The following ACSF2 variants were observed in gnomAD, a reference collection of about 807,000 sequenced individuals.
ACSF2 encodes the protein medium-chain acyl-CoA ligase ACSF2, mitochondrial.
ACSF2 carries 52 observed loss-of-function variants against 79.3 expected under a neutral mutation model. The observed-to-expected ratio is 0.66, with a 90% CI of 0.53 to 0.83. ACSF2 has a LOEUF of 0.83. Among genes scored for constraint, ACSF2 ranks in the 40% least tolerant of loss-of-function variants. The pLI, the probability that ACSF2 is intolerant of heterozygous loss-of-function variation, is 0.00. For synonymous variants in ACSF2, 283 were observed against 312.6 expected (o/e 0.91, Z 1.00); for missense variants, 661 against 803.3 (o/e 0.82, Z 2.14).
intron 10 of ACSF2, chr17:50,465,292 A>C: frequency 6.2e-7 from 1 of 1,613,800 alleles, no homozygotes; most frequent in South Asian, 1.1e-5. Flanking sequence ...CCTGGCCCCC[A>C]CCTGTTTAAT....
At chr17:50,461,027 A>T (rs2032298491) in intron 2 of ACSF2, 155 bp downstream of exon 2, 1 of 1,130,704 alleles carries the variant, frequency 8.8e-7, no homozygotes, top group Non-Finnish European at 1.2e-6. Context: ...GACAGGACTG[A>T]CGCACAAGGG....
intron 1 of ACSF2, among the ~76,000 whole-genome samples, chr17:50,457,804 C>T (rs545954061): frequency 8.5e-4 from 129 of 152,260 alleles, no homozygotes; most frequent in Admixed American, 1.8e-3. Flanking sequence ...ATAGTAGGTG[C>T]TCACTAAAGC....
Position 50,460,840 on chromosome 17 carries a change from G to T in ACSF2, c.292G>T (p.Val98Phe). 6.2e-7 allele frequency: 1 copy of T among 1,611,238 alleles called. No individual in the cohort carries two copies. The highest frequency in any genetic ancestry group is 8.5e-7 in the Non-Finnish European group (1 of 1,178,480). The change falls in exon 2 of 16, where the codon GTC (valine) becomes TTC (phenylalanine). Residue 98 changes from valine to phenylalanine, a missense_variant. Val to Phe is a conservative substitution (Grantham distance 50). Coordinates refer to ENST00000300441, the MANE Select transcript of ACSF2 (RefSeq NM_025149.6). ...REALVVLHED[V>F]RLTFAQLKEE... Reference sequence around the variant, plus strand: ...GGCCTTGGTCGTCCTCCATGAAGACGTCAGGTTGACCTTTGCCCAACTCAA... The same window carrying T: ...GGCCTTGGTCGTCCTCCATGAAGACTTCAGGTTGACCTTTGCCCAACTCAA...
At chr17:50,466,433 G>T (rs984778608) in intron 10 of ACSF2, among the ~76,000 whole-genome samples, 31 of 152,188 alleles carry the variant, frequency 2.0e-4, no homozygotes, top group Non-Finnish European at 7.3e-5. Context: ...CGGAAAAAGC[G>T]CAGTCCTTTG....
At chr17:50,428,308 C>T (rs989580827) in intron 1 of ACSF2, among the ~76,000 whole-genome samples, 1 of 151,644 alleles carries the variant, frequency 6.6e-6, no homozygotes, top group South Asian at 2.1e-4. Context: ...GGTGAAACCC[C>T]GTTTCTACTA....
intron 1 of ACSF2, among the ~76,000 whole-genome samples, chr17:50,428,600 TGGAGAAACCCCATCTCTA>T (rs1474236121): frequency 5.0e-4 from 76 of 151,688 alleles, no homozygotes; most frequent in Non-Finnish European, 1.1e-3. Context: ...CTGGCCAACA[TGGAGAAACCCCATCTCTA>T]CTAAAAATAT....
At position 50,463,073 on chromosome 17, in the gene ACSF2, C is replaced by T. The variant is rs111506170; in HGVS notation, c.793-83C>T. The stretch of plus-strand genomic sequence containing the variant: ...GCAACAATCCCTGTCTCCTGATTCC[C>T]GGTCCCGTGCTCTTCAAGGCAGTGG... On this transcript the variant is annotated intron_variant, in intron 6 of 15. Transcript: ENST00000300441. The surrounding 1 kb of genome is among the most constrained non-coding windows in gnomAD (Gnocchi z 4.6). 1.9e-5 allele frequency: 21 copies of T among 1,132,028 alleles called. No homozygotes were observed. The highest frequency in any genetic ancestry group is 7.7e-5 in the African/African-American group (5 of 64,772). The allele number at this position is 1,132,028 out of a possible 1,614,324, so 70.1% of individuals were successfully genotyped here. A position where few individuals can be genotyped will look rare whatever the true frequency, so the allele number is the denominator to read the frequency against.
Position 50,471,132 on chromosome 17 carries a change from G to A in ACSF2, c.1320G>A (p.Thr440=), listed in dbSNP as rs752054290. 2.2e-5 allele frequency: 35 copies of A among 1,613,550 alleles called. 1 individual carries two copies. Among genetic ancestry groups the A allele is most frequent in the Middle Eastern group, 3.3e-4 (2 of 6,082 alleles). Residue 440 remains threonine (T), a synonymous_variant, in exon 11 of 16, where the codon ACG becomes ACA. Transcript: ENST00000300441. The surrounding 1 kb of genome is among the most constrained non-coding windows in gnomAD (Gnocchi z 4.1). ...AESVGRIMPH[T]EARIMNMEAG... ...GCGTGGGCAGAATTATGCCTCACAC[G>A]GAGGTGAGCCCCTGACCAAGACTCC...
intron 1 of ACSF2, among the ~76,000 whole-genome samples, chr17:50,432,213 T>C (rs2029989310): frequency 6.6e-6 from 1 of 152,246 alleles, no homozygotes; most frequent in Admixed American, 6.5e-5. Flanking sequence ...TTGACTTTTC[T>C]TATGTATAAA....
At chr17:50,440,833 TG>T (rs1327257251) in intron 1 of ACSF2, among the ~76,000 whole-genome samples, 2 of 152,174 alleles carry the variant, frequency 1.3e-5, no homozygotes, top group African/African-American at 4.8e-5. Context: ...TATGGGTTGG[TG>T]CCAGGAGAGG....
chr17:50,474,314 C>G lies in ACSF2; in HGVS notation c.1797+47C>G, dbSNP rs2033250713. ...GGGGAGGGCAGCCTGGGCTCTGGGG[C>G]CCCATAGGGCCCCACCTCTGTTTCC... On this transcript the variant is annotated intron_variant, in intron 15 of 15. Transcript: ENST00000300441. The surrounding 1 kb of genome is among the most constrained non-coding windows in gnomAD (Gnocchi z 4.2). The G allele has an allele frequency of 6.3e-7, 1 of 1,592,208 alleles. No individual in the cohort carries two copies. The highest frequency in any genetic ancestry group is 8.6e-7 in the Non-Finnish European group (1 of 1,161,186).
At chr17:50,441,466 T>TCAACCTCACC (rs1567841711) in intron 1 of ACSF2, among the ~76,000 whole-genome samples, 5 of 152,242 alleles carry the variant, frequency 3.3e-5, no homozygotes, top group African/African-American at 1.2e-4. Context: ...TGAGCCACCA[T>TCAACCTCACC]GCCTGGCCTG....
At chr17:50,455,643 C>T (rs903498808) in intron 1 of ACSF2, among the ~76,000 whole-genome samples, 2 of 152,154 alleles carry the variant, frequency 1.3e-5, no homozygotes, top group Admixed American at 1.3e-4. Context: ...GGGACTCCCA[C>T]ATTGAGGAAG....
chr17:50,474,577 C>T lies in ACSF2; in HGVS notation c.*25C>T, dbSNP rs368735162. The T allele has an allele frequency of 9.4e-5, 151 of 1,613,058 alleles. No homozygotes were observed. Among genetic ancestry groups the T allele is most frequent in the Middle Eastern group, 6.6e-4 (4 of 6,080 alleles). The stretch of plus-strand genomic sequence containing the variant: ...AATAAAGCAGCAGGCCTGTCCTGGC[C>T]GGTTGGCTTGACTCTCTCCTGTCAG... On this transcript the variant is annotated 3_prime_UTR_variant, in exon 16 of 16. Coordinates refer to ENST00000300441, the MANE Select transcript of ACSF2 (RefSeq NM_025149.6). This position sits in a 1 kb window ranked among gnomAD's most constrained non-coding sequence, Gnocchi z 4.2.
At position 50,463,942 on chromosome 17, in the gene ACSF2, G is replaced by A. The variant is rs770890963; in HGVS notation, c.1138+33G>A. ...GGGGCCAAGGGCAGCCAGGCTTGGG[G>A]AGGGGGCTGCTTCCCCCACAGGAAT... On this transcript the variant is annotated intron_variant, in intron 9 of 15. Coordinates refer to ENST00000300441, the MANE Select transcript of ACSF2 (RefSeq NM_025149.6). The surrounding 1 kb of genome is among the most constrained non-coding windows in gnomAD (Gnocchi z 4.6). The A allele has an allele frequency of 9.4e-6, 15 of 1,603,670 alleles. No homozygotes were observed. The highest frequency in any genetic ancestry group is 1.7e-5 in the Admixed American group (1 of 59,972).
Position 50,473,877 on chromosome 17 carries a change from T to G in ACSF2, c.1618-17T>G. The G allele has an allele frequency of 6.2e-7, 1 of 1,604,730 alleles. No homozygotes were observed. The highest frequency in any genetic ancestry group is 1.1e-5 in the South Asian group (1 of 90,528). Reference sequence around the variant, plus strand: ...ATGAACACGGTGATGTCTGATATTTTTCTTTGGCCCTGGAAGGTGGTGGGA... The same window carrying G: ...ATGAACACGGTGATGTCTGATATTTGTCTTTGGCCCTGGAAGGTGGTGGGA... On this transcript the variant is annotated splice_polypyrimidine_tract_variant and intron_variant, in intron 13 of 15. Coordinates refer to ENST00000300441, the MANE Select transcript of ACSF2 (RefSeq NM_025149.6).
chr17:50,465,404 G>A (rs1159294110), intron 10 of ACSF2: 1 of 1,614,058 alleles, frequency 6.2e-7, no homozygotes, highest in African/African-American at 1.3e-5. Flanking sequence ...TGAGGCACAG[G>A]TGGCATCTGG....
chr17:50,432,557 T>G (rs967623331), intron 1 of ACSF2, among the ~76,000 whole-genome samples: 1 of 152,202 alleles, frequency 6.6e-6, no homozygotes, highest in African/African-American at 2.4e-5. Context: ...CAGGCCAACA[T>G]GCAGGCTGTA....
At position 50,445,476 on chromosome 17, in the gene ACSF2, T is replaced by C. The variant is rs1223396897; in HGVS notation, c.129-15201T>C. On this transcript the variant is annotated intron_variant, in intron 1 of 15. Coordinates refer to ENST00000300441, the MANE Select transcript of ACSF2 (RefSeq NM_025149.6). ...GTGCTTATCTTTTCATAAAGCAGAATCATTACATTCCCGACGTGTCATCAA... is the reference window on the plus strand; with the variant it reads ...GTGCTTATCTTTTCATAAAGCAGAACCATTACATTCCCGACGTGTCATCAA... Among the ~76,000 whole-genome samples, 3 of 152,132 alleles carry C rather than the reference T, an allele frequency of 2.0e-5. No homozygotes were observed. The East Asian group carries it at 5.8e-4, about 29-fold the overall frequency.
Sources: allele counts gnomAD v4.1 joint callset (sites outside exome capture counted in the v4.1 genomes callset), GRCh38; gene constraint gnomAD v4.1.1; non-coding constraint Gnocchi (gnomAD v3.1); transcripts MANE v1.5; gene names NCBI Gene and HGNC (gene_info 2026-07-23, HGNC 2026-07-21).